Variants in GLIS3 observed in about 807,000 individuals in gnomAD.
The protein encoded by GLIS3 is zinc finger protein GLIS3.
In GLIS3, 53 loss-of-function variants were observed where a neutral mutation model predicts 78.6. The ratio of observed to expected loss-of-function variants is 0.67; its 90% CI spans 0.54 to 0.85. The LOEUF is 0.85. Ranked by LOEUF, GLIS3 falls within the 40% of genes least tolerant of loss-of-function variation. GLIS3 has a pLI of 0.00. For missense variants in GLIS3, 1,703 were observed against 1,231.1 expected, an observed-to-expected ratio of 1.38 and a Z score of -5.74; for synonymous variants, 684 against 509.9, an observed-to-expected ratio of 1.34 and a Z score of -4.60.
intron 2 of GLIS3, among the ~76,000 whole-genome samples, chr9:4,141,423 G>A (rs2130988531): frequency 6.6e-6 from 1 of 152,302 alleles, no homozygotes; most frequent in Admixed American, 6.5e-5. Flanking sequence ...CAGACTCCTA[G>A]AGGCTATGTG....
chr9:4,008,977 G>T (rs1821783295), intron 4 of GLIS3, among the ~76,000 whole-genome samples: 1 of 152,164 alleles, frequency 6.6e-6, no homozygotes, highest in Non-Finnish European at 1.5e-5. Context: ...TCACAGGTTG[G>T]CTTTCTGCAG....
chr9:4,118,183 C>A lies in GLIS3; in HGVS notation c.1295G>T (p.Arg432Leu). The change falls in exon 4 of 11, where the codon CGC (arginine) becomes CTC (leucine). Residue 432 changes from arginine (R) to leucine (L), a missense_variant. Physicochemically the swap from Arg to Leu is moderately radical, Grantham distance 102. Transcript: ENST00000381971. This position sits in a 1 kb window ranked among gnomAD's most constrained non-coding sequence, Gnocchi z 4.7. ...GGTGCTGCCCGGGAACTCCTCCAGG[C>A]GTTCGGTCTTGAACAGGCCGGCCGA... Reference protein sequence around the residue: ...SQSAGLFKTERLEEFPGSTVD... With the variant: ...SQSAGLFKTELLEEFPGSTVD... The A allele has an allele frequency of 1.9e-6, 3 of 1,573,826 alleles. No homozygotes were observed. The highest frequency in any genetic ancestry group is 2.6e-6 in the Non-Finnish European group (3 of 1,159,522).
the GLIS3 span, among the ~76,000 whole-genome samples, chr9:4,362,126 G>T: frequency 2.0e-5 from 3 of 152,332 alleles, no homozygotes; most frequent in East Asian, 5.8e-4. Context: ...CATGCCTAGG[G>T]AGGCAGCTGT....
rs992099102 is a variant in GLIS3 at position 4,259,440 on chromosome 9, G to A, written c.388+26598C>T. Among the ~76,000 whole-genome samples, 3 of 151,976 alleles carry A rather than the reference G, an allele frequency of 2.0e-5. No homozygotes were observed. The South Asian group carries it at 6.2e-4, about 32-fold the overall frequency. ...CTAATTCAAACTCCTCATTTCATAG[G>A]GAAGAAAATACAAGGAAGTTAGGGG... On this transcript the variant is annotated intron_variant, in intron 2 of 10. Transcript: ENST00000381971.
intron 2 of GLIS3, among the ~76,000 whole-genome samples, chr9:4,346,161 A>T (rs529370823): frequency 6.6e-6 from 1 of 152,246 alleles, no homozygotes; most frequent in African/African-American, 2.4e-5. Context: ...CTGTAAAGGA[A>T]ACCTCAAGAA....
At chr9:4,470,641 A>T in the GLIS3 span, among the ~76,000 whole-genome samples, 1 of 152,118 alleles carries the variant, frequency 6.6e-6, no homozygotes, top group African/African-American at 2.4e-5. Flanking sequence ...ACCCACAGCC[A>T]ATATCATACT....
At chr9:4,229,571 T>C (rs1450276776) in intron 2 of GLIS3, among the ~76,000 whole-genome samples, 1 of 152,224 alleles carries the variant, frequency 6.6e-6, no homozygotes, top group Non-Finnish European at 1.5e-5. Flanking sequence ...AAAAGTGCCC[T>C]GAAGCACGGA....
intron 4 of GLIS3, among the ~76,000 whole-genome samples, chr9:4,078,340 G>A (rs1424839922): frequency 6.6e-6 from 1 of 152,122 alleles, no homozygotes; most frequent in Non-Finnish European, 1.5e-5. Context: ...CTTCTGCAAA[G>A]TCCTGCTCCT....
At chr9:4,320,870 GA>G (rs1180054466) in intron 2 of GLIS3, among the ~76,000 whole-genome samples, 1 of 152,080 alleles carries the variant, frequency 6.6e-6, no homozygotes, top group Non-Finnish European at 1.5e-5. Context: ...TCTTCAATCT[GA>G]TCATTACACT....
intron 2 of GLIS3, among the ~76,000 whole-genome samples, chr9:4,224,600 G>A (rs1436783004): frequency 6.6e-6 from 1 of 152,052 alleles, no homozygotes; most frequent in African/African-American, 2.4e-5. Context: ...CAAATCTCTG[G>A]CACACCTCTA....
chr9:4,274,517 C>T (rs567991533), intron 2 of GLIS3, among the ~76,000 whole-genome samples: 258 of 152,292 alleles, frequency 1.7e-3, no homozygotes, highest in Non-Finnish European at 3.1e-3. Context: ...AAGTCCCCAT[C>T]CCTGCCAGAA....
intron 2 of GLIS3, among the ~76,000 whole-genome samples, chr9:4,128,672 T>C (rs963574598): frequency 3.3e-5 from 5 of 152,226 alleles, no homozygotes; most frequent in African/African-American, 1.2e-4. Context: ...TAGATCTGAA[T>C]GGAATATGAA....
the GLIS3 span, among the ~76,000 whole-genome samples, chr9:4,388,607 C>T: frequency 1.3e-5 from 2 of 151,900 alleles, no homozygotes; most frequent in African/African-American, 4.8e-5. Context: ...ATCTGGGAGG[C>T]GGAGGTTGCA....
the GLIS3 span, among the ~76,000 whole-genome samples, chr9:4,415,743 G>C: frequency 6.6e-6 from 1 of 151,662 alleles, no homozygotes; most frequent in Non-Finnish European, 1.5e-5. Context: ...CCAGAAAACA[G>C]AAACAAAAAC....
At chr9:3,916,162 G>C (rs1409753582) in intron 6 of GLIS3, among the ~76,000 whole-genome samples, 1 of 152,152 alleles carries the variant, frequency 6.6e-6, no homozygotes. Flanking sequence ...AAACCCAAGA[G>C]TCTGTTGACA....
intron 1 of GLIS3, among the ~76,000 whole-genome samples, chr9:4,290,441 C>T (rs1389934045): frequency 3.3e-5 from 5 of 151,982 alleles, no homozygotes; most frequent in African/African-American, 7.3e-5. Flanking sequence ...TCATTAATGC[C>T]GCCTTTTCAA....
At chr9:4,157,794 C>A (rs1340719509) in intron 2 of GLIS3, among the ~76,000 whole-genome samples, 2 of 152,258 alleles carry the variant, frequency 1.3e-5, no homozygotes, top group Non-Finnish European at 1.5e-5. Context: ...AATTGATAAG[C>A]ACACAGTCCA....
chr9:4,335,066 A>G (rs989158912), intron 2 of GLIS3, among the ~76,000 whole-genome samples: 2 of 151,492 alleles, frequency 1.3e-5, no homozygotes, highest in Admixed American at 6.6e-5. Flanking sequence ...CCGCCACTAT[A>G]CCTGGCTAAT....
At chr9:4,455,787 C>T in the GLIS3 span, among the ~76,000 whole-genome samples, 1 of 152,110 alleles carries the variant, frequency 6.6e-6, no homozygotes, top group African/African-American at 2.4e-5. Context: ...AAGTGATTCA[C>T]ATGATTGTTT....
Sources: allele counts gnomAD v4.1 joint callset (sites outside exome capture counted in the v4.1 genomes callset), GRCh38; gene constraint gnomAD v4.1.1; non-coding constraint Gnocchi (gnomAD v3.1); transcripts MANE v1.5; gene names NCBI Gene and HGNC (gene_info 2026-07-23, HGNC 2026-07-21).